The following EYS variants were observed in gnomAD, a reference collection of about 807,000 sequenced individuals.
The protein encoded by EYS is protein eyes shut homolog.
In EYS, 250 loss-of-function variants were observed where a neutral mutation model predicts 282.1. That is an observed-to-expected ratio of 0.89 (90% CI 0.80 to 0.98). The LOEUF is 0.98. Ranked by LOEUF, EYS falls within the 50% of genes least tolerant of loss-of-function variation. The pLI is 0.00. For synonymous variants in EYS, 1,355 were observed against 1,282.9 expected, an observed-to-expected ratio of 1.06 and a Z score of -1.20; for missense variants, 4,016 against 3,709.0, an observed-to-expected ratio of 1.08 and a Z score of -2.15.
chr6:65,534,600 G>T (rs75603885), intron 2 of EYS, among the ~76,000 whole-genome samples: 1 of 152,060 alleles, frequency 6.6e-6, no homozygotes, highest in East Asian at 1.9e-4. Context: ...TAATTTTTGC[G>T]TCTGCTTGCA....
intron 22 of EYS, among the ~76,000 whole-genome samples, chr6:64,750,862 A>G (rs1199707190): frequency 2.8e-4 from 42 of 152,134 alleles, no homozygotes; most frequent in Admixed American, 2.8e-3. Flanking sequence ...CGGCTGAGAA[A>G]AGTAGGAGCC....
chr6:64,077,081 A>T (rs1179001693), intron 32 of EYS, among the ~76,000 whole-genome samples: 1 of 152,016 alleles, frequency 6.6e-6, no homozygotes, highest in Non-Finnish European at 1.5e-5. Flanking sequence ...GAAGTTTCTC[A>T]TGAATGACAA....
At chr6:65,007,102 C>T (rs962862619) in intron 13 of EYS, among the ~76,000 whole-genome samples, 1 of 151,956 alleles carries the variant, frequency 6.6e-6, no homozygotes, top group African/African-American at 2.4e-5. Flanking sequence ...TTTTTGTGGT[C>T]AAGAGAGGCG....
At chr6:65,577,892 C>A (rs1764731489) in intron 2 of EYS, among the ~76,000 whole-genome samples, 1 of 151,700 alleles carries the variant, frequency 6.6e-6, no homozygotes, top group African/African-American at 2.4e-5. Context: ...GATCTCACCT[C>A]ATGCCTGTTA....
chr6:63,955,308 C>T (rs1005405575), intron 35 of EYS, among the ~76,000 whole-genome samples: 9 of 152,178 alleles, frequency 5.9e-5, no homozygotes, highest in Non-Finnish European at 1.2e-4. Flanking sequence ...TGCCGGTTTA[C>T]ACTTTTCCTC....
intron 31 of EYS, among the ~76,000 whole-genome samples, chr6:64,092,693 T>A (rs1276860881): frequency 2.0e-5 from 3 of 151,808 alleles, no homozygotes; most frequent in Non-Finnish European, 3.0e-5. Context: ...TTTTCTCCCA[T>A]TTTGTAGGTT....
intron 12 of EYS, among the ~76,000 whole-genome samples, chr6:65,250,202 C>CA (rs1166666659): frequency 1.3e-5 from 2 of 151,994 alleles, no homozygotes; most frequent in African/African-American, 4.8e-5. Flanking sequence ...AGCATCAAAT[C>CA]AAACATACTA....
Position 63,732,539 on chromosome 6 carries a change from A to G in EYS, c.8072-5859T>C, listed in dbSNP as rs9449789. Among the ~76,000 whole-genome samples, 444 of 152,358 alleles carry G rather than the reference A, an allele frequency of 2.9e-3. 1 individual carries two copies. The highest frequency in any genetic ancestry group is 0.01 in the African/African-American group (431 of 41,590). ...TATAGATTAAAATAAAGTCAAGAGA[A>G]AAATTGAGGTGGACATACCAGTGAT... On this transcript the variant is annotated intron_variant, in intron 41 of 42. Transcript: ENST00000503581.
intron 12 of EYS, among the ~76,000 whole-genome samples, chr6:65,231,705 C>T (rs1766787063): frequency 6.6e-6 from 1 of 151,548 alleles, no homozygotes; most frequent in Admixed American, 6.6e-5. Context: ...TGATAGATAT[C>T]CTCTTAGTGA....
chr6:65,632,163 T>G (rs13195796), intron 2 of EYS, among the ~76,000 whole-genome samples: 55,343 of 151,668 alleles, frequency 0.36, 11,432 homozygotes, highest in African/African-American at 0.58. Flanking sequence ...GTAGGCAAAA[T>G]GAGCTCATGA....
At chr6:64,355,196 G>C (rs1205249149) in intron 29 of EYS, among the ~76,000 whole-genome samples, 9 of 151,474 alleles carry the variant, frequency 5.9e-5, no homozygotes, top group Admixed American at 5.9e-4. Context: ...ATAATTTCCC[G>C]ATTGTGTGTA....
At chr6:64,093,533 A>G (rs148084842) in intron 31 of EYS, among the ~76,000 whole-genome samples, 20 of 152,196 alleles carry the variant, frequency 1.3e-4, no homozygotes, top group Non-Finnish European at 4.4e-5. Flanking sequence ...ATGGGAGTCC[A>G]CTCATGATTT....
intron 2 of EYS, among the ~76,000 whole-genome samples, chr6:65,513,541 A>C (rs897922002): frequency 1.3e-5 from 2 of 152,100 alleles, no homozygotes; most frequent in African/African-American, 4.8e-5. Flanking sequence ...AAAATCCTCA[A>C]TAAAATACTG....
intron 1 of EYS, among the ~76,000 whole-genome samples, chr6:65,648,086 A>C (rs1205112431): frequency 6.6e-6 from 1 of 152,218 alleles, no homozygotes; most frequent in Non-Finnish European, 1.5e-5. Context: ...GTGGGAATGT[A>C]AACTAATACG....
intron 2 of EYS, among the ~76,000 whole-genome samples, chr6:65,618,239 G>A (rs1248822719): frequency 1.2e-4 from 18 of 152,202 alleles, no homozygotes; most frequent in Non-Finnish European, 2.2e-4. Flanking sequence ...TTTAATGATC[G>A]CCATTCTAAC....
intron 31 of EYS, among the ~76,000 whole-genome samples, chr6:64,090,635 C>T (rs912176171): frequency 6.6e-6 from 1 of 150,876 alleles, no homozygotes; most frequent in African/African-American, 2.4e-5. Flanking sequence ...TTGGCAAATA[C>T]TCAACGTTTG....
chr6:64,349,570 A>G (rs1771540178), intron 29 of EYS, among the ~76,000 whole-genome samples: 1 of 151,366 alleles, frequency 6.6e-6, no homozygotes, highest in Non-Finnish European at 1.5e-5. Context: ...TAAAATAAAT[A>G]GAATCTTCTA....
In EYS at chr6:64,244,073, A is replaced by G. The variant is rs560416186; in HGVS notation, c.6192-13249T>C. On this transcript the variant is annotated intron_variant, in intron 30 of 42. Transcript: ENST00000503581. ...AAACTATTAGAAAATTCAGTTCCCC[A>G]AATATTTTTGAGTACTGATTTCCCC... 4.1e-4 allele frequency among the ~76,000 whole-genome samples: 62 copies of G among 152,264 alleles called. 2 individuals are homozygous for G. The South Asian group carries it at 0.013, about 32-fold the overall frequency.
At chr6:63,935,758 T>A (rs1401078332) in intron 35 of EYS, among the ~76,000 whole-genome samples, 1 of 152,222 alleles carries the variant, frequency 6.6e-6, no homozygotes, top group East Asian at 1.9e-4. Context: ...TCTGTGGTAT[T>A]TTTGTTATAC....
Sources: allele counts gnomAD v4.1 joint callset (sites outside exome capture counted in the v4.1 genomes callset), GRCh38; gene constraint gnomAD v4.1.1; transcripts MANE v1.5; gene names NCBI Gene and HGNC (gene_info 2026-07-23, HGNC 2026-07-21).